The following PPP3CA variants were observed in gnomAD, a reference collection of about 807,000 sequenced individuals.
PPP3CA encodes the protein CAM-PRP catalytic subunit.
A neutral mutation model predicts 66.5 loss-of-function variants in PPP3CA; 14 were observed. The observed-to-expected ratio is 0.21, with a 90% CI of 0.14 to 0.33. The LOEUF (loss-of-function observed/expected upper bound fraction) is 0.33, where lower values mean the gene tolerates loss of function less well. PPP3CA is among the 10% of genes least tolerant of loss of function. The probability of loss-of-function intolerance (pLI) is 1.00; values close to 1 mark genes in which losing one functional copy is unlikely to be tolerated. For synonymous variants in PPP3CA, 232 were observed against 226.2 expected (o/e 1.03, Z -0.23); for missense variants, 317 against 639.5 (o/e 0.50, Z 5.44).
At chr4:101,240,912 T>C (rs1393596016) in intron 1 of PPP3CA, 1 of 152,144 alleles carries the variant, frequency 6.6e-6, no homozygotes, top group African/African-American at 2.4e-5. Context: ...TTTTCTTTTT[T>C]ATTTTTGAGA....
At chr4:101,336,121 G>T (rs996978017) in intron 1 of PPP3CA, among the ~76,000 whole-genome samples, 1 of 149,218 alleles carries the variant, frequency 6.7e-6, no homozygotes, top group Non-Finnish European at 1.5e-5. Flanking sequence ...AGGCTGAGGT[G>T]GAAGAATGGC....
At chr4:101,265,999 T>C (rs901278921) in intron 1 of PPP3CA, among the ~76,000 whole-genome samples, 1 of 152,210 alleles carries the variant, frequency 6.6e-6, no homozygotes, top group Non-Finnish European at 1.5e-5. Flanking sequence ...TTACTGCCTG[T>C]GGATGAATCA....
intron 2 of PPP3CA, among the ~76,000 whole-genome samples, chr4:101,172,764 C>T (rs1353833246): frequency 2.6e-5 from 4 of 152,114 alleles, no homozygotes; most frequent in African/African-American, 4.8e-5. Flanking sequence ...AATTCATTTG[C>T]TTTCTTATTC....
intron 11 of PPP3CA, among the ~76,000 whole-genome samples, chr4:101,038,629 A>G (rs1296641052): frequency 6.6e-6 from 1 of 151,932 alleles, no homozygotes; most frequent in Non-Finnish European, 1.5e-5. Context: ...CGGCCTCCCA[A>G]AGTGCTGGGA....
chr4:101,175,277 A>C (rs993075740), intron 2 of PPP3CA, among the ~76,000 whole-genome samples: 1 of 152,192 alleles, frequency 6.6e-6, no homozygotes, highest in East Asian at 1.9e-4. Flanking sequence ...AGCTTGAATT[A>C]GAACTTAGGG....
intron 1 of PPP3CA, among the ~76,000 whole-genome samples, chr4:101,206,973 C>G (rs973509463): frequency 6.6e-6 from 1 of 151,932 alleles, no homozygotes; most frequent in Admixed American, 6.6e-5. Context: ...GGGAAGCTGG[C>G]GGCCCATATC....
intron 2 of PPP3CA, among the ~76,000 whole-genome samples, chr4:101,157,946 A>C (rs914230066): frequency 6.6e-6 from 1 of 151,998 alleles, no homozygotes; most frequent in Non-Finnish European, 1.5e-5. Flanking sequence ...CATGTCTAAA[A>C]GCTACAAGTA....
chr4:101,084,803 T>C (rs78551859), intron 6 of PPP3CA, among the ~76,000 whole-genome samples: 7,629 of 152,046 alleles, frequency 0.05, 305 homozygotes, highest in African/African-American at 0.099. Flanking sequence ...GAGGAGATAA[T>C]CATGGGGCCT....
intron 1 of PPP3CA, among the ~76,000 whole-genome samples, chr4:101,264,326 A>G (rs1227032221): frequency 1.3e-5 from 2 of 152,016 alleles, no homozygotes; most frequent in African/African-American, 4.8e-5. Flanking sequence ...TTGCATTTGA[A>G]TTTTTTGACT....
chr4:101,168,001 G>C (rs1409860644), intron 2 of PPP3CA, among the ~76,000 whole-genome samples: 1 of 152,156 alleles, frequency 6.6e-6, no homozygotes, highest in Non-Finnish European at 1.5e-5. Context: ...GTGAGCAGAA[G>C]GGCTGTATGG....
At chr4:101,030,854 C>A (rs1197962973) in intron 12 of PPP3CA, among the ~76,000 whole-genome samples, 1 of 151,958 alleles carries the variant, frequency 6.6e-6, no homozygotes, top group Non-Finnish European at 1.5e-5. Flanking sequence ...TTATCAGAAA[C>A]TAGATTTCAG....
chr4:101,238,268 C>T (rs527299343), intron 1 of PPP3CA, among the ~76,000 whole-genome samples: 15 of 152,026 alleles, frequency 9.9e-5, no homozygotes, highest in African/African-American at 2.7e-4. Context: ...TTGATATTAT[C>T]GAACAAAATA....
At chr4:101,063,477 A>G in intron 8 of PPP3CA, 120 bp from the exon 9 acceptor site, 2 of 1,160,410 alleles carry the variant, frequency 1.7e-6, no homozygotes, top group Middle Eastern at 3.0e-4. Context: ...CCAGGCTCAC[A>G]CCTTAGGCAT....
chr4:101,102,266 A>G lies in PPP3CA; in HGVS notation c.385-2544T>C, dbSNP rs143031668. Among the ~76,000 whole-genome samples, 15 of 147,034 alleles carry G rather than the reference A, an allele frequency of 1.0e-4. No individual in the cohort carries two copies. In the East Asian group the frequency reaches 1.8e-3, roughly 17 times the overall value. On this transcript the variant is annotated intron_variant, in intron 3 of 13. Transcript: ENST00000394854. ...AGGCAGAGAAAGGAAGGAAGGAAGG[A>G]AGGGAGGGAGGAAGGGAGGGAGAGA...
intron 1 of PPP3CA, among the ~76,000 whole-genome samples, chr4:101,303,975 C>A (rs911040970): frequency 6.6e-6 from 1 of 152,052 alleles, no homozygotes; most frequent in Non-Finnish European, 1.5e-5. Flanking sequence ...GTTTTTTGTT[C>A]CATTAATGTG....
chr4:101,098,489 C>A lies in PPP3CA; in HGVS notation c.520G>T (p.Val174Leu). The change falls in exon 5 of 14, where the codon GTA (valine) becomes TTA (leucine). Residue 174 changes from valine to leucine, a missense_variant. Transcript: ENST00000394854. The part of the protein sequence containing the change: ...QECKIKYSER[V>L]YDACMDAFDC... Reference sequence around the variant, plus strand: ...AAGGCATCCATACAGGCATCATATACGCGTTCTGAATACTTTATTTTACCT... The same window carrying A: ...AAGGCATCCATACAGGCATCATATAAGCGTTCTGAATACTTTATTTTACCT... 1 of 1,608,766 alleles carries A rather than the reference C, an allele frequency of 6.2e-7. No homozygotes were observed. Among genetic ancestry groups the A allele is most frequent in the East Asian group, 2.2e-5 (1 of 44,640 alleles).
At chr4:101,194,266 A>G (rs996812198) in intron 2 of PPP3CA, among the ~76,000 whole-genome samples, 1 of 152,224 alleles carries the variant, frequency 6.6e-6, no homozygotes, top group Non-Finnish European at 1.5e-5. Context: ...ATCATTCAAG[A>G]TATTTTGATA....
intron 10 of PPP3CA, among the ~76,000 whole-genome samples, chr4:101,051,542 C>T (rs548407560): frequency 6.6e-6 from 1 of 152,270 alleles, no homozygotes; most frequent in South Asian, 2.1e-4. Context: ...GTTAACATTA[C>T]TTACTACAGG....
intron 10 of PPP3CA, among the ~76,000 whole-genome samples, chr4:101,055,336 C>CCTTTACTTGGATTT (rs1728181848): frequency 6.6e-6 from 1 of 152,036 alleles, no homozygotes; most frequent in Non-Finnish European, 1.5e-5. Context: ...AAATGAGATA[C>CCTTTACTTGGATTT]CTTTACTTGG....
Sources: allele counts gnomAD v4.1 joint callset (sites outside exome capture counted in the v4.1 genomes callset), GRCh38; gene constraint gnomAD v4.1.1; transcripts MANE v1.5; gene names NCBI Gene and HGNC (gene_info 2026-07-23, HGNC 2026-07-21).